Variants in FAM168A observed in about 807,000 individuals in gnomAD.
The protein encoded by FAM168A is family with sequence similarity 168 member A.
Under a neutral mutation model 28.5 loss-of-function variants are expected in FAM168A, and 3 were observed. The observed-to-expected ratio is 0.11, with a 90% confidence interval of 0.05 to 0.27. FAM168A has a LOEUF of 0.27. FAM168A is among the 10% of genes least tolerant of loss of function. The pLI, the probability that FAM168A is intolerant of heterozygous loss-of-function variation, is 1.00. For synonymous variants in FAM168A, 122 were observed against 124.2 expected, an observed-to-expected ratio of 0.98 and a Z score of 0.12; for missense variants, 222 against 311.5, an observed-to-expected ratio of 0.71 and a Z score of 2.16.
intron 1 of FAM168A, among the ~76,000 whole-genome samples, chr11:73,595,854 G>C (rs1944435364): frequency 6.6e-6 from 1 of 152,134 alleles, no homozygotes; most frequent in Non-Finnish European, 1.5e-5. Flanking sequence ...TCAATCTTTA[G>C]AAATACAGTC....
Position 73,411,423 on chromosome 11 carries a change from C to A in FAM168A, c.391G>T (p.Ala131Ser). ...GCATACAGATTCTGCTGGGGGTAGG[C>A]ACTTCTGATTGGATACATGGCCGTC... ...YQTAMYPIRSAYPQQNLYAQG... is the reference protein window; with the variant it reads ...YQTAMYPIRSSYPQQNLYAQG... The change falls in exon 5 of 8, where the codon GCC (alanine) becomes TCC (serine). Residue 131 changes from alanine to serine, a missense_variant. This residue lies in a region of FAM168A where 153 missense variants were observed against 189.2 expected (regional missense o/e 0.81). Coordinates refer to ENST00000356467, the MANE Select transcript of FAM168A (RefSeq NM_015159.3). The A allele has an allele frequency of 6.2e-7, 1 of 1,610,592 alleles. No homozygotes were observed. Among genetic ancestry groups the A allele is most frequent in the Non-Finnish European group, 8.5e-7 (1 of 1,178,166 alleles).
chr11:73,458,357 T>C (rs916921677), intron 2 of FAM168A, among the ~76,000 whole-genome samples: 12 of 152,166 alleles, frequency 7.9e-5, no homozygotes, highest in African/African-American at 2.9e-4. Context: ...TGTAGCTCAG[T>C]GGTAGAGTGG....
At chr11:73,436,104 T>C (rs745824268) in intron 2 of FAM168A, among the ~76,000 whole-genome samples, 1 of 135,032 alleles carries the variant, frequency 7.4e-6, no homozygotes, top group Non-Finnish European at 1.5e-5. Context: ...ACAAGTTAGC[T>C]TTTTTCCTTT....
chr11:73,588,772 G>A (rs1944347022), intron 1 of FAM168A, among the ~76,000 whole-genome samples: 1 of 152,168 alleles, frequency 6.6e-6, no homozygotes, highest in African/African-American at 2.4e-5. Flanking sequence ...ATTCCTCAAT[G>A]TGATAGTATC....
intron 1 of FAM168A, among the ~76,000 whole-genome samples, chr11:73,582,992 G>A (rs1332251926): frequency 1.3e-5 from 2 of 152,162 alleles, no homozygotes; most frequent in Non-Finnish European, 2.9e-5. Context: ...CAACAACAAT[G>A]ATAGAAGACA....
intron 1 of FAM168A, among the ~76,000 whole-genome samples, chr11:73,528,638 G>A (rs1337871808): frequency 3.3e-5 from 5 of 151,970 alleles, no homozygotes; most frequent in Non-Finnish European, 7.4e-5. Context: ...CTTAGGACTC[G>A]CCCTGAATTC....
chr11:73,469,520 T>C (rs1171107301), intron 1 of FAM168A, among the ~76,000 whole-genome samples: 2 of 152,132 alleles, frequency 1.3e-5, no homozygotes, highest in East Asian at 1.9e-4. Context: ...TTAGTCTGTC[T>C]AGGGTTCAAA....
intron 1 of FAM168A, among the ~76,000 whole-genome samples, chr11:73,583,179 T>G (rs1395918032): frequency 6.6e-6 from 1 of 152,184 alleles, no homozygotes. Context: ...GGTGCATACC[T>G]GTAATCCCAG....
intron 1 of FAM168A, among the ~76,000 whole-genome samples, chr11:73,538,576 C>T (rs529119209): frequency 2.0e-5 from 3 of 152,328 alleles, no homozygotes; most frequent in African/African-American, 7.2e-5. Context: ...CTGTAGCCTT[C>T]CCACTCTCAC....
At chr11:73,420,273 A>G (rs1160106897) in intron 3 of FAM168A, among the ~76,000 whole-genome samples, 1 of 152,220 alleles carries the variant, frequency 6.6e-6, no homozygotes, top group African/African-American at 2.4e-5. Flanking sequence ...ATGCCCATGA[A>G]TAACCATCTC....
chr11:73,485,281 T>C (rs906602681), intron 1 of FAM168A, among the ~76,000 whole-genome samples: 3 of 152,216 alleles, frequency 2.0e-5, no homozygotes, highest in Non-Finnish European at 4.4e-5. Flanking sequence ...AAGTACTAGA[T>C]CTGAGCTAAT....
chr11:73,525,205 C>T (rs1486211054), intron 1 of FAM168A, among the ~76,000 whole-genome samples: 1 of 152,056 alleles, frequency 6.6e-6, no homozygotes, highest in African/African-American at 2.4e-5. Context: ...TTTGCCTATT[C>T]TTTCATATTT....
intron 5 of FAM168A, among the ~76,000 whole-genome samples, chr11:73,411,007 G>A (rs1866599631): frequency 6.6e-6 from 1 of 152,188 alleles, no homozygotes; most frequent in South Asian, 2.1e-4. Context: ...TGGGGGTTAG[G>A]GAGAAAAGAC....
At chr11:73,474,963 T>A (rs902812577) in intron 1 of FAM168A, among the ~76,000 whole-genome samples, 4 of 152,138 alleles carry the variant, frequency 2.6e-5, no homozygotes, top group African/African-American at 4.8e-5. Context: ...AAATAGGCAA[T>A]GGTAAGGCCC....
intron 2 of FAM168A, among the ~76,000 whole-genome samples, chr11:73,460,172 A>G (rs879699739): frequency 5.3e-5 from 8 of 151,560 alleles, no homozygotes; most frequent in Admixed American, 1.3e-4. Context: ...GAGCCACCGC[A>G]CCCGGCCTCC....
At chr11:73,541,104 C>G (rs1943651135) in intron 1 of FAM168A, among the ~76,000 whole-genome samples, 1 of 151,868 alleles carries the variant, frequency 6.6e-6, no homozygotes, top group African/African-American at 2.4e-5. Flanking sequence ...ACTCGGGAGG[C>G]TGAGACAGGA....
chr11:73,588,574 C>G (rs564773438), intron 1 of FAM168A, among the ~76,000 whole-genome samples: 1 of 152,196 alleles, frequency 6.6e-6, no homozygotes, highest in Non-Finnish European at 1.5e-5. Flanking sequence ...CACCTGAAGT[C>G]TCAGCTACAC....
At chr11:73,548,887 TG>T (rs1943792406) in intron 1 of FAM168A, among the ~76,000 whole-genome samples, 1 of 152,130 alleles carries the variant, frequency 6.6e-6, no homozygotes, top group African/African-American at 2.4e-5. Flanking sequence ...CCTCCCTCCT[TG>T]GCCTCCCAAA....
chr11:73,581,779 C>T (rs576539887), intron 1 of FAM168A, among the ~76,000 whole-genome samples: 27 of 151,942 alleles, frequency 1.8e-4, no homozygotes, highest in Admixed American at 1.4e-3. Context: ...AGTGCAGTGG[C>T]GCAATCTCGC....
Sources: gnomAD v4.1 joint callset for allele counts (sites outside exome capture counted in the v4.1 genomes callset) on GRCh38, gnomAD v4.1.1 for gene constraint, gnomAD v4.1.1 regional missense constraint, MANE v1.5 for transcripts, NCBI Gene and HGNC (gene_info 2026-07-23, HGNC 2026-07-21) for gene names.